The following EXOC6B variants were observed in gnomAD, a reference collection of about 807,000 sequenced individuals.
EXOC6B encodes exocyst complex component 6B, also known as SEC15 homolog B.
EXOC6B carries 54 observed loss-of-function variants against 113.5 expected under a neutral mutation model. The observed-to-expected ratio is 0.48, with a 90% CI of 0.38 to 0.60. The LOEUF is 0.60. Among genes scored for constraint, EXOC6B ranks in the 20% least tolerant of loss-of-function variants. The probability of loss-of-function intolerance (pLI) is 0.00; values close to 1 mark genes in which losing one functional copy is unlikely to be tolerated. For synonymous variants in EXOC6B, 357 were observed against 339.0 expected (o/e 1.05, Z -0.58); for missense variants, 797 against 977.5 (o/e 0.82, Z 2.46).
chr2:72,618,211 A>C (rs1573496607), intron 6 of EXOC6B, among the ~76,000 whole-genome samples: 1 of 152,142 alleles, frequency 6.6e-6, no homozygotes. Context: ...TCTACTAAAA[A>C]TACAAAAATT....
At position 72,679,056 on chromosome 2, in the gene EXOC6B, C is replaced by T. The variant is rs191417073; in HGVS notation, c.669+39047G>A. On this transcript the variant is annotated intron_variant, in intron 6 of 21. Transcript: ENST00000272427. ...CCCCAGAAATACATGCAGATAAACA[C>T]ATCTTGCATATAATCTCTTTTTTTT... is the stretch of plus-strand genomic sequence containing the variant. 2.2e-3 allele frequency among the ~76,000 whole-genome samples: 338 copies of T among 152,174 alleles called. 3 individuals carry two copies. Among genetic ancestry groups the T allele is most frequent in the African/African-American group, 7.5e-3 (313 of 41,552 alleles).
intron 1 of EXOC6B, among the ~76,000 whole-genome samples, chr2:72,762,111 G>T (rs1291957615): frequency 6.6e-6 from 1 of 152,054 alleles, no homozygotes; most frequent in Non-Finnish European, 1.5e-5. Context: ...GGGCGTGGTG[G>T]CATGTGCCTG....
intron 17 of EXOC6B, among the ~76,000 whole-genome samples, chr2:72,466,189 A>G (rs560705735): frequency 6.6e-6 from 1 of 152,058 alleles, no homozygotes; most frequent in Non-Finnish European, 1.5e-5. Context: ...TACTAAAAAT[A>G]CAAAAATTAG....
chr2:72,631,426 GTA>G (rs376088377), intron 6 of EXOC6B, among the ~76,000 whole-genome samples: 439 of 28,098 alleles, frequency 0.016, 11 homozygotes, highest in African/African-American at 0.024. Context: ...GTGTGTGTGT[GTA>G]TATATATATA....
chr2:72,313,553 C>T (rs1345461322), intron 20 of EXOC6B, among the ~76,000 whole-genome samples: 1 of 151,876 alleles, frequency 6.6e-6, no homozygotes, highest in Non-Finnish European at 1.5e-5. Flanking sequence ...TGTAAAATTA[C>T]CACTAGATTC....
Position 72,465,266 on chromosome 2 carries a change from G to T in EXOC6B, c.1874C>A (p.Ala625Glu), listed in dbSNP as rs1697973811. The T allele has an allele frequency of 1.9e-6, 3 of 1,609,760 alleles. No homozygotes were observed. Among genetic ancestry groups the T allele is most frequent in the African/African-American group, 2.7e-5 (2 of 74,998 alleles). The change falls in exon 18 of 22, where the codon GCA becomes GAA. Residue 625 changes from alanine (A) to glutamate (E), a missense_variant. Coordinates refer to ENST00000272427, the MANE Select transcript of EXOC6B (RefSeq NM_015189.3). ...ATCTCCGGTCATCCAGTCATAGTCTGCCAGCTGTAGGAACTGGTCAATCTT... is the reference window on the plus strand; with the variant it reads ...ATCTCCGGTCATCCAGTCATAGTCTTCCAGCTGTAGGAACTGGTCAATCTT... ...NQKIDQFLQL[A>E]DYDWMTGDLG...
At chr2:72,217,111 T>A (rs1680590464) in intron 20 of EXOC6B, among the ~76,000 whole-genome samples, 1 of 152,110 alleles carries the variant, frequency 6.6e-6, no homozygotes, top group Non-Finnish European at 1.5e-5. Flanking sequence ...TCTCCTATTT[T>A]GTAGCCCAAT....
At chr2:72,329,213 A>C (rs1258270996) in intron 20 of EXOC6B, among the ~76,000 whole-genome samples, 1 of 152,114 alleles carries the variant, frequency 6.6e-6, no homozygotes, top group Non-Finnish European at 1.5e-5. Context: ...ACACTTGGGA[A>C]AACTACAGTT....
intron 6 of EXOC6B, among the ~76,000 whole-genome samples, chr2:72,598,894 A>G (rs4852293): frequency 0.89 from 135,485 of 152,078 alleles, 60,394 homozygotes; most frequent in East Asian, 0.99. Flanking sequence ...TCTGTTAAAC[A>G]AATTGAATTA....
rs1009159911 is a variant in EXOC6B at position 72,176,633 on chromosome 2, T to C, written c.*2702A>G. On this transcript the variant is annotated 3_prime_UTR_variant, in exon 22 of 22. Coordinates refer to ENST00000272427, the MANE Select transcript of EXOC6B (RefSeq NM_015189.3). ...TCCCTACCTGCAACAGCTTCATTTATAGCCTGCTCAAAGAGATTTTCCCTA... is the reference window on the plus strand; with the variant it reads ...TCCCTACCTGCAACAGCTTCATTTACAGCCTGCTCAAAGAGATTTTCCCTA... 1 of 152,254 alleles carries C rather than the reference T, an allele frequency of 6.6e-6. No individual in the cohort carries two copies. The highest frequency in any genetic ancestry group is 2.4e-5 in the African/African-American group (1 of 41,462). 9.4% of individuals were successfully genotyped at this position (152,254 alleles called of 1,614,324 possible). A position where few individuals can be genotyped will look rare whatever the true frequency, so the allele number is the denominator to read the frequency against.
chr2:72,359,421 G>A (rs1447211737), intron 19 of EXOC6B, among the ~76,000 whole-genome samples: 1 of 152,104 alleles, frequency 6.6e-6, no homozygotes. Context: ...TTGCCATCTT[G>A]GAAGCAGTTT....
Position 72,546,320 on chromosome 2 carries a change from G to A in EXOC6B, c.915+13133C>T, listed in dbSNP as rs966617419. ...AAAAACTAGCCAGACGTGGTGGCAC[G>A]TGCCTGTAATTCTAGCTACTAGGGA... is the stretch of plus-strand genomic sequence containing the variant. On this transcript the variant is annotated intron_variant, in intron 8 of 21. Transcript: ENST00000272427. 8.5e-5 allele frequency among the ~76,000 whole-genome samples: 13 copies of A among 152,206 alleles called. 1 individual carries two copies. The highest frequency in any genetic ancestry group is 1.3e-4 in the Admixed American group (2 of 15,278).
intron 18 of EXOC6B, among the ~76,000 whole-genome samples, chr2:72,434,380 T>C (rs1695730702): frequency 6.6e-6 from 1 of 152,158 alleles, no homozygotes; most frequent in Admixed American, 6.5e-5. Flanking sequence ...TTTTATTGTG[T>C]CTCTACCAGG....
At chr2:72,645,757 C>G (rs1673658945) in intron 6 of EXOC6B, among the ~76,000 whole-genome samples, 1 of 152,166 alleles carries the variant, frequency 6.6e-6, no homozygotes, top group African/African-American at 2.4e-5. Context: ...AACAAAGACA[C>G]AACATACCAG....
At chr2:72,450,849 T>C (rs779643272) in intron 18 of EXOC6B, among the ~76,000 whole-genome samples, 5 of 152,174 alleles carry the variant, frequency 3.3e-5, no homozygotes, top group Non-Finnish European at 5.9e-5. Context: ...AGCATTACTA[T>C]TGAAGCCATA....
intron 1 of EXOC6B, among the ~76,000 whole-genome samples, chr2:72,805,184 C>T (rs909422493): frequency 8.5e-5 from 13 of 152,202 alleles, no homozygotes; most frequent in African/African-American, 2.9e-4. Context: ...AAACAAAACT[C>T]CTCACAAAGT....
intron 20 of EXOC6B, among the ~76,000 whole-genome samples, chr2:72,223,259 C>T (rs1680986733): frequency 6.6e-6 from 1 of 152,212 alleles, no homozygotes; most frequent in Non-Finnish European, 1.5e-5. Flanking sequence ...AACACAAAGA[C>T]TCATTCAGCT....
chr2:72,492,838 AT>A (rs1699823518), intron 15 of EXOC6B, among the ~76,000 whole-genome samples: 2 of 152,048 alleles, frequency 1.3e-5, no homozygotes, highest in Non-Finnish European at 2.9e-5. Flanking sequence ...ACCAGTTTGA[AT>A]ATGATGTCTT....
At chr2:72,473,519 T>G (rs981475299) in intron 17 of EXOC6B, among the ~76,000 whole-genome samples, 1 of 152,126 alleles carries the variant, frequency 6.6e-6, no homozygotes, top group Non-Finnish European at 1.5e-5. Context: ...AACATTTGCA[T>G]GGAATATCTT....
Sources: allele counts gnomAD v4.1 joint callset (sites outside exome capture counted in the v4.1 genomes callset), GRCh38; gene constraint gnomAD v4.1.1; transcripts MANE v1.5; gene names NCBI Gene and HGNC (gene_info 2026-07-23, HGNC 2026-07-21).